The following VGLL4 variants were observed in gnomAD, a reference collection of about 807,000 sequenced individuals.
The protein encoded by VGLL4 is vestigial like family member 4.
In VGLL4, 7 loss-of-function variants were observed where a neutral mutation model predicts 21.0. The ratio of observed to expected loss-of-function variants is 0.33; its 90% CI spans 0.19 to 0.63. The LOEUF is 0.63. VGLL4 is among the 20% of genes least tolerant of loss of function. The pLI, the probability that VGLL4 is intolerant of heterozygous loss-of-function variation, is 0.78. For missense variants in VGLL4, 394 were observed against 425.7 expected (o/e 0.93, Z 0.66); for synonymous variants, 222 against 173.2 (o/e 1.28, Z -2.21).
intron 2 of VGLL4, among the ~76,000 whole-genome samples, chr3:11,570,319 C>T (rs902541950): frequency 1.3e-5 from 2 of 152,190 alleles, no homozygotes; most frequent in African/African-American, 4.8e-5. Flanking sequence ...TTTCCACCCA[C>T]CTTCCTGCCC....
chr3:11,684,238 A>G (rs948365758), intron 2 of VGLL4, among the ~76,000 whole-genome samples: 4 of 152,132 alleles, frequency 2.6e-5, no homozygotes, highest in Non-Finnish European at 4.4e-5. Flanking sequence ...CCCTACCACA[A>G]GTTTGTTATT....
intron 2 of VGLL4, among the ~76,000 whole-genome samples, chr3:11,580,941 C>T (rs1427979241): frequency 6.6e-6 from 1 of 152,106 alleles, no homozygotes; most frequent in African/African-American, 2.4e-5. Context: ...TGTTTCAAGT[C>T]ATCGGAGGAT....
chr3:11,644,845 CAA>C (rs11293808), upstream of VGLL4, among the ~76,000 whole-genome samples: 2,916 of 71,108 alleles, frequency 0.041, 44 homozygotes, highest in African/African-American at 0.11. Context: ...GACTTTGTCT[CAA>C]AAAAAAAAAA....
intron 2 of VGLL4, among the ~76,000 whole-genome samples, chr3:11,578,942 G>T (rs1210918797): frequency 6.6e-6 from 1 of 151,766 alleles, no homozygotes; most frequent in Admixed American, 6.6e-5. Context: ...TAGAGACGGG[G>T]TTTCATCGTG....
Position 11,568,605 on chromosome 3 carries a change from A to G in VGLL4, c.273-3586T>C. 6.4e-7 allele frequency: 1 copy of G among 1,567,758 alleles called. No homozygotes were observed. The highest frequency in any genetic ancestry group is 8.7e-7 in the Non-Finnish European group (1 of 1,154,660). ...TTTAGTAAAATTATACATTACTCAC[A>G]TTTCCAGCTCATTTTCCTGGTTCCC... On this transcript the variant is annotated intron_variant, in intron 2 of 4. Coordinates refer to ENST00000430365, the MANE Select transcript of VGLL4 (RefSeq NM_001128219.3). This position sits in a 1 kb window ranked among gnomAD's most constrained non-coding sequence, Gnocchi z 5.9.
In VGLL4 at chr3:11,653,669, G is replaced by C. The variant is rs754878551; in HGVS notation, c.64+49302C>G. On this transcript the variant is annotated intron_variant, in intron 2 of 5. Coordinates refer to the VGLL4 transcript ENST00000273038. This position sits in a 1 kb window ranked among gnomAD's most constrained non-coding sequence, Gnocchi z 4.2. ...ACTCAGAAGCAGATACGCAGAAAGT[G>C]TATGTTCAGCTTAAGTAAATATTGC... Among the ~76,000 whole-genome samples the C allele has an allele frequency of 6.6e-6, 1 of 152,184 alleles. No individual in the cohort carries two copies. Among genetic ancestry groups the C allele is most frequent in the Non-Finnish European group, 1.5e-5 (1 of 68,030 alleles).
chr3:11,594,820 C>T (rs1486039579), intron 2 of VGLL4, among the ~76,000 whole-genome samples: 1 of 152,204 alleles, frequency 6.6e-6, no homozygotes, highest in Non-Finnish European at 1.5e-5. Context: ...CAGCTGAAAT[C>T]CAGAGTGAGG....
intron 1 of VGLL4, among the ~76,000 whole-genome samples, chr3:11,613,200 T>C (rs1374789195): frequency 2.6e-5 from 4 of 152,066 alleles, no homozygotes. Flanking sequence ...TTGGTAAAAA[T>C]ACTCAAAAAA....
chr3:11,606,599 A>G (rs570074580), intron 1 of VGLL4, among the ~76,000 whole-genome samples: 7 of 152,288 alleles, frequency 4.6e-5, no homozygotes, highest in African/African-American at 1.7e-4. Context: ...TGTAGCTAGG[A>G]TTGTAAAATG....
chr3:11,574,800 T>C (rs189540981), intron 2 of VGLL4, among the ~76,000 whole-genome samples: 3 of 133,426 alleles, frequency 2.2e-5, no homozygotes, highest in African/African-American at 1.1e-4. Context: ...TGTGTGTGTG[T>C]GTGTGTGTGT....
At chr3:11,593,927 G>A (rs1372007734) in intron 2 of VGLL4, among the ~76,000 whole-genome samples, 1 of 152,194 alleles carries the variant, frequency 6.6e-6, no homozygotes, top group African/African-American at 2.4e-5. Flanking sequence ...CAAGGCTAGT[G>A]ACCATGGCTT....
intron 1 of VGLL4, among the ~76,000 whole-genome samples, chr3:11,636,860 C>T (rs2075597672): frequency 6.6e-6 from 1 of 152,096 alleles, no homozygotes. Context: ...AGTGGAGCTA[C>T]AGATGAATGA....
At chr3:11,629,057 T>C (rs1034888799) in intron 1 of VGLL4, among the ~76,000 whole-genome samples, 1 of 152,124 alleles carries the variant, frequency 6.6e-6, no homozygotes, top group African/African-American at 2.4e-5. Context: ...GAAAAATAAG[T>C]AGACATTAAT....
intron 1 of VGLL4, among the ~76,000 whole-genome samples, chr3:11,706,438 A>G (rs546450111): frequency 6.6e-6 from 1 of 152,368 alleles, no homozygotes; most frequent in Non-Finnish European, 1.5e-5. Context: ...TCGGAAACTA[A>G]ATTTTATAAG....
At chr3:11,709,604 G>A (rs2076812399) in intron 1 of VGLL4, among the ~76,000 whole-genome samples, 1 of 151,080 alleles carries the variant, frequency 6.6e-6, no homozygotes, top group Non-Finnish European at 1.5e-5. Context: ...TTTTTTTCAG[G>A]TAATGGTCAT....
intron 2 of VGLL4, among the ~76,000 whole-genome samples, chr3:11,654,813 T>C (rs553975433): frequency 6.6e-6 from 1 of 152,358 alleles, no homozygotes; most frequent in East Asian, 1.9e-4. Flanking sequence ...ACAGAATCTT[T>C]ATAAAACAAG....
At chr3:11,620,011 C>G (rs1440841984) in intron 1 of VGLL4, among the ~76,000 whole-genome samples, 2 of 151,252 alleles carry the variant, frequency 1.3e-5, no homozygotes, top group Non-Finnish European at 2.9e-5. Context: ...GGTGGCAGCA[C>G]CTGCAAAGAG....
chr3:11,692,743 G>T (rs1024942086), intron 2 of VGLL4, among the ~76,000 whole-genome samples: 3 of 151,758 alleles, frequency 2.0e-5, no homozygotes, highest in Non-Finnish European at 4.4e-5. Context: ...GTTTTTTTGA[G>T]GGGGGGTGGG....
intron 2 of VGLL4, among the ~76,000 whole-genome samples, chr3:11,675,249 T>C (rs1450020845): frequency 6.6e-6 from 1 of 151,864 alleles, no homozygotes; most frequent in Non-Finnish European, 1.5e-5. Flanking sequence ...GGCTGAGGCA[T>C]GAGAATCACT....
Sources: allele counts gnomAD v4.1 joint callset (sites outside exome capture counted in the v4.1 genomes callset), GRCh38; gene constraint gnomAD v4.1.1; non-coding constraint Gnocchi (gnomAD v3.1); transcripts MANE v1.5; gene names NCBI Gene and HGNC (gene_info 2026-07-23, HGNC 2026-07-21).